The following ACSS1 variants were observed in gnomAD, a reference collection of about 807,000 sequenced individuals.
ACSS1 encodes acyl-CoA synthetase short chain family member 1.
ACSS1 carries 42 observed loss-of-function variants against 75.3 expected under a neutral mutation model. The ratio of observed to expected loss-of-function variants is 0.56; its 90% confidence interval spans 0.44 to 0.72. ACSS1 has a LOEUF of 0.72. ACSS1 is among the 30% of genes least tolerant of loss of function. The pLI, the probability that ACSS1 is intolerant of heterozygous loss-of-function variation, is 0.00. For synonymous variants in ACSS1, 380 were observed against 376.8 expected, an observed-to-expected ratio of 1.01 and a Z score of -0.10; for missense variants, 782 against 935.7, an observed-to-expected ratio of 0.84 and a Z score of 2.14.
At chr20:25,010,803 G>A (rs1186023079) in intron 12 of ACSS1, 1 of 152,450 alleles carries the variant, frequency 6.6e-6, no homozygotes, top group Non-Finnish European at 1.5e-5. Context: ...GCCAGGACGA[G>A]GCAGGCAAGG....
chr20:25,057,203 C>A (rs1482151349), intron 1 of ACSS1, among the ~76,000 whole-genome samples: 2 of 152,208 alleles, frequency 1.3e-5, no homozygotes, highest in Non-Finnish European at 2.9e-5. Flanking sequence ...AGGCCCGCAG[C>A]GAAGAAATAA....
At chr20:25,056,297 C>A (rs1032692886) in intron 1 of ACSS1, among the ~76,000 whole-genome samples, 5 of 152,148 alleles carry the variant, frequency 3.3e-5, no homozygotes, top group Non-Finnish European at 5.9e-5. Flanking sequence ...GCTCTAGTCT[C>A]CTTCAAGGGC....
Position 25,007,828 on chromosome 20 carries a change from G to A in ACSS1, c.2004C>T (p.Pro668=). ...CACTCAGGATCTCTGCGATGATGCT[G>A]GGGTCCTCCAAGGTGGTAGTGTCTC... ...ELGDTTTLED[P]SIIAEILSVY... The change falls in exon 14 of 14, where the codon CCC becomes CCT. Residue 668 remains proline, a synonymous_variant. Coordinates refer to ENST00000323482, the MANE Select transcript of ACSS1 (RefSeq NM_032501.4). 1 of 1,614,164 alleles carries A rather than the reference G, an allele frequency of 6.2e-7. No homozygotes were observed. The highest frequency in any genetic ancestry group is 2.2e-5 in the East Asian group (1 of 44,878).
At chr20:25,043,890 G>A (rs116787419) in intron 2 of ACSS1, among the ~76,000 whole-genome samples, 2,255 of 152,292 alleles carry the variant, frequency 0.015, 52 homozygotes, top group African/African-American at 0.05. Context: ...AGGACAAGCC[G>A]GAGCTAAAAC....
chr20:25,025,470 T>C (rs550523046), intron 3 of ACSS1, among the ~76,000 whole-genome samples: 4 of 152,348 alleles, frequency 2.6e-5, no homozygotes, highest in African/African-American at 9.6e-5. Flanking sequence ...GCTGCTTCCA[T>C]AACAAATGAC....
Position 25,021,463 on chromosome 20 carries a change from T to C in ACSS1, c.1034A>G (p.Tyr345Cys), listed in dbSNP as rs773850422. ...ATTGCAGAGAGGCCCATACACCACG[T>C]AGCTGTGTCCTGTAATCCAACCGAT... ...ADIGWITGHS[Y>C]VVYGPLCNGA... is the part of the protein sequence containing the mutation. Residue 345 changes from tyrosine (Y) to cysteine (C), a missense_variant, in exon 6 of 14, where the codon TAC becomes TGC. By Grantham distance (194) the Tyr-to-Cys change is radical. Around this residue, in one of 2 missense-constraint regions of ACSS1, gnomAD observed 405 missense variants for 552.6 expected, o/e 0.73. Coordinates refer to ENST00000323482, the MANE Select transcript of ACSS1 (RefSeq NM_032501.4). The C allele has an allele frequency of 2.5e-6, 4 of 1,614,228 alleles. No homozygotes were observed. The highest frequency in any genetic ancestry group is 3.4e-6 in the Non-Finnish European group (4 of 1,180,030).
intron 2 of ACSS1, among the ~76,000 whole-genome samples, chr20:25,041,257 CAAAA>C (rs11474894): frequency 1.5e-4 from 18 of 117,570 alleles, no homozygotes; most frequent in South Asian, 2.8e-4. Flanking sequence ...GACTCCGTCT[CAAAA>C]AAAAAAAAAA....
intron 7 of ACSS1, among the ~76,000 whole-genome samples, chr20:25,017,409 C>A (rs534088928): frequency 2.6e-5 from 4 of 152,354 alleles, no homozygotes; most frequent in African/African-American, 9.6e-5. Context: ...TGGCCCTGGC[C>A]AAGGTGTGGA....
chr20:25,012,601 C>T lies in ACSS1; in HGVS notation c.1771G>A (p.Ala591Thr). 1 of 1,614,216 alleles carries T rather than the reference C, an allele frequency of 6.2e-7. No homozygotes were observed. Among genetic ancestry groups the T allele is most frequent in the Non-Finnish European group, 8.5e-7 (1 of 1,180,040 alleles). Reference sequence around the variant, plus strand: ...AGGAGCTCATCTCCAGGACACTCACCTTCTCCTTTGATGTCGTGGGGGTAG... The same window carrying T: ...AGGAGCTCATCTCCAGGACACTCACTTTCTCCTTTGATGTCGTGGGGGTAG... ...IGYPHDIKGE[A>T]AFAFIVVKDS... The change falls in exon 12 of 14, where the codon GCT becomes ACT. Residue 591 changes from alanine (A) to threonine (T), a missense_variant and splice_region_variant. Physicochemically the swap from Ala to Thr is moderately conservative, Grantham distance 58. Coordinates refer to ENST00000323482, the MANE Select transcript of ACSS1 (RefSeq NM_032501.4).
rs12624595 is a variant in ACSS1 at position 25,043,815 on chromosome 20, G to A, written c.431+4270C>T. 3.3e-4 allele frequency among the ~76,000 whole-genome samples: 50 copies of A among 152,300 alleles called. No homozygotes were observed. In the East Asian group the frequency reaches 8.7e-3, roughly 26 times the overall value. On this transcript the variant is annotated intron_variant, in intron 2 of 13. Coordinates refer to ENST00000323482, the MANE Select transcript of ACSS1 (RefSeq NM_032501.4). ...ACGCCTGCCAGGGCTGGAATACTGG[G>A]GCCATTGAATCCCTCCTTTTACAGA... is the stretch of plus-strand genomic sequence containing the variant.
At chr20:25,053,221 G>A (rs989947725) in intron 1 of ACSS1, among the ~76,000 whole-genome samples, 63 of 144,954 alleles carry the variant, frequency 4.3e-4, no homozygotes, top group African/African-American at 1.6e-3. Context: ...GCACCACCAC[G>A]CTCGGCTAAT....
rs1555848725 is a variant in ACSS1 at position 25,007,593 on chromosome 20, T to A, written c.*169A>T. 4.8e-6 allele frequency: 7 copies of A among 1,458,932 alleles called. No individual in the cohort carries two copies. Among genetic ancestry groups the A allele is most frequent in the Non-Finnish European group, 6.3e-6 (7 of 1,111,952 alleles). 90.4% of individuals were successfully genotyped at this position (1,458,932 alleles called of 1,614,324 possible). A position where few individuals can be genotyped will look rare whatever the true frequency, so the allele number is the denominator to read the frequency against. On this transcript the variant is annotated 3_prime_UTR_variant, in exon 14 of 14. Coordinates refer to ENST00000323482, the MANE Select transcript of ACSS1 (RefSeq NM_032501.4). ...TGACACTCCTGGGACCTCCAATGGA[T>A]GGGAGAAAGGGCTCTCAGCCCAGCT...
At chr20:25,027,867 T>G (rs1182533141) in intron 3 of ACSS1, among the ~76,000 whole-genome samples, 1 of 151,686 alleles carries the variant, frequency 6.6e-6, no homozygotes, top group African/African-American at 2.4e-5. Flanking sequence ...ATCTACTATG[T>G]ATAAATCCTA....
At chr20:25,014,972 C>T (rs182544987) in intron 8 of ACSS1, among the ~76,000 whole-genome samples, 166 bp downstream of exon 8, 22 of 152,358 alleles carry the variant, frequency 1.4e-4, no homozygotes, top group Admixed American at 3.3e-4. Context: ...AGCAGCCAGG[C>T]GACCTCTGAG....
Position 25,007,135 on chromosome 20 carries a change from G to A in ACSS1, c.*627C>T. 7.3e-7 allele frequency: 1 copy of A among 1,374,576 alleles called. No individual in the cohort carries two copies. The highest frequency in any genetic ancestry group is 9.4e-7 in the Non-Finnish European group (1 of 1,065,266). The allele number at this position is 1,374,576 out of a possible 1,614,324, so 85.1% of individuals were successfully genotyped here. The stretch of plus-strand genomic sequence containing the variant: ...AGGCTTGGAAGTTCTCAAGGGAACT[G>A]TTTAGACAGAGGTACAAACATCTCC... On this transcript the variant is annotated 3_prime_UTR_variant, in exon 14 of 14. Transcript: ENST00000323482.
intron 1 of ACSS1, among the ~76,000 whole-genome samples, chr20:25,056,624 A>G (rs765770094): frequency 2.1e-4 from 32 of 152,320 alleles, no homozygotes; most frequent in Non-Finnish European, 8.8e-5. Context: ...ACCTCTGAGC[A>G]TGACTGCCCC....
intron 2 of ACSS1, among the ~76,000 whole-genome samples, chr20:25,044,358 T>A (rs1415410646): frequency 1.3e-5 from 2 of 152,184 alleles, no homozygotes; most frequent in African/African-American, 4.8e-5. Flanking sequence ...CCAGGCGCGG[T>A]GGCTCACACC....
intron 4 of ACSS1, 89 bp downstream of exon 4, chr20:25,023,377 C>T: frequency 1.3e-6 from 2 of 1,523,278 alleles, no homozygotes; most frequent in Non-Finnish European, 1.8e-6. Flanking sequence ...CTCTAGGGAA[C>T]CCAAATTGAG....
intron 3 of ACSS1, among the ~76,000 whole-genome samples, chr20:25,029,517 G>A (rs2088785124): frequency 6.6e-6 from 1 of 152,142 alleles, no homozygotes; most frequent in African/African-American, 2.4e-5. Context: ...CCACTCATAG[G>A]TATATACCCC....
Sources: gnomAD v4.1 joint callset for allele counts (sites outside exome capture counted in the v4.1 genomes callset) on GRCh38, gnomAD v4.1.1 for gene constraint, gnomAD v4.1.1 regional missense constraint, MANE v1.5 for transcripts, NCBI Gene and HGNC (gene_info 2026-07-23, HGNC 2026-07-21) for gene names.